The following TCERG1 variants were observed in gnomAD, a reference collection of about 807,000 sequenced individuals.
TCERG1 encodes transcription elongation regulator 1.
TCERG1 carries 37 observed loss-of-function variants against 144.7 expected under a neutral mutation model. That is an observed-to-expected ratio of 0.26 (90% CI 0.20 to 0.34). The LOEUF (loss-of-function observed/expected upper bound fraction) is 0.34. Among genes scored for constraint, TCERG1 ranks in the 10% least tolerant of loss-of-function variants. The pLI, the probability that TCERG1 is intolerant of heterozygous loss-of-function variation, is 1.00. For synonymous variants in TCERG1, 492 were observed against 458.2 expected (o/e 1.07, Z -0.94); for missense variants, 1,027 against 1,380.7 (o/e 0.74, Z 4.06).
At chr5:146,469,481 T>C in intron 6 of TCERG1, 63 bp from the exon 7 acceptor site, 1 of 1,334,652 alleles carries the variant, frequency 7.5e-7, no homozygotes, top group South Asian at 1.6e-5. Context: ...GCTCATATTT[T>C]AGAGTTTTAT....
At chr5:146,480,257 G>A (rs990087230) in intron 12 of TCERG1, 163 bp downstream of exon 12, 9 of 454,676 alleles carry the variant, frequency 2.0e-5, no homozygotes, top group African/African-American at 6.0e-5. Context: ...TGTAGAAAAT[G>A]TGTCCCTTCT....
chr5:146,480,967 C>T (rs1268037601), intron 12 of TCERG1, among the ~76,000 whole-genome samples, 183 bp from the exon 13 acceptor site: 19 of 141,442 alleles, frequency 1.3e-4, no homozygotes, highest in Admixed American at 9.8e-4. Context: ...TGATTTTGTG[C>T]TTTTTTTTTA....
At chr5:146,482,772 T>C in intron 14 of TCERG1, 45 bp downstream of exon 14, 1 of 1,537,428 alleles carries the variant, frequency 6.5e-7, no homozygotes, top group Non-Finnish European at 8.8e-7. Context: ...TTTGTATAAG[T>C]AATATAAATA....
chr5:146,456,346 T>C (rs1045134092), intron 2 of TCERG1, among the ~76,000 whole-genome samples: 1 of 152,230 alleles, frequency 6.6e-6, no homozygotes. Flanking sequence ...AAACCTACTT[T>C]GGAGTATTAT....
chr5:146,462,687 A>G (rs555085515), intron 4 of TCERG1, among the ~76,000 whole-genome samples: 2 of 152,126 alleles, frequency 1.3e-5, no homozygotes, highest in South Asian at 4.1e-4. Flanking sequence ...CCATTCATTC[A>G]TATCCAGTTA....
chr5:146,473,256 G>T (rs1326948278), intron 9 of TCERG1, among the ~76,000 whole-genome samples: 1 of 152,196 alleles, frequency 6.6e-6, no homozygotes, highest in Non-Finnish European at 1.5e-5. Context: ...ATTTCATTAA[G>T]CCAAAACCTA....
At chr5:146,484,481 G>GTT (rs775087875) in intron 15 of TCERG1, among the ~76,000 whole-genome samples, 4 of 152,146 alleles carry the variant, frequency 2.6e-5, no homozygotes, top group Non-Finnish European at 5.9e-5. Context: ...TATTTTTAAT[G>GTT]TAACAATTGA....
intron 15 of TCERG1, among the ~76,000 whole-genome samples, chr5:146,486,899 A>G (rs894880849): frequency 6.6e-6 from 1 of 152,082 alleles, no homozygotes; most frequent in Non-Finnish European, 1.5e-5. Flanking sequence ...ACATGGCGAA[A>G]CCTCATCTCT....
At position 146,491,837 on chromosome 5, in the gene TCERG1, A is replaced by G. The variant is rs1026462619; in HGVS notation, c.2164-1083A>G. ...TTTGCAACTGCTGTTTTAAGTGTCA[A>G]GTACCTGTAGACATACGTAAGGGTA... On this transcript the variant is annotated intron_variant, in intron 15 of 22. Transcript: ENST00000679501. 9.2e-5 allele frequency among the ~76,000 whole-genome samples: 14 copies of G among 152,202 alleles called. 1 individual carries two copies. Among genetic ancestry groups the G allele is most frequent in the Admixed American group, 2.6e-4 (4 of 15,272 alleles).
chr5:146,503,763 T>A (rs1767696587), intron 18 of TCERG1, 61 bp from the exon 19 acceptor site: 5 of 1,513,076 alleles, frequency 3.3e-6, no homozygotes, highest in Non-Finnish European at 4.4e-6. Flanking sequence ...AGCTAGTTAT[T>A]CTGTAAAAAC....
In TCERG1 at chr5:146,507,279, A is replaced by G. The variant is rs115552705; in HGVS notation, c.2961+72A>G. ...AGTAATTTCTTAAAGCAAAGCATTGATATGATTTTTAGTGTCATGGTCTTT... is the reference window on the plus strand; with the variant it reads ...AGTAATTTCTTAAAGCAAAGCATTGGTATGATTTTTAGTGTCATGGTCTTT... On this transcript the variant is annotated intron_variant, in intron 20 of 22. Transcript: ENST00000679501. The surrounding 1 kb of genome is among the most constrained non-coding windows in gnomAD (Gnocchi z 4.6). The G allele has an allele frequency of 3.5e-3, 4,942 of 1,406,306 alleles. 164 individuals are homozygous for G. The African/African-American group carries it at 0.064, about 18-fold the overall frequency. The allele number at this position is 1,406,306 out of a possible 1,614,324, so 87.1% of individuals were successfully genotyped here.
At chr5:146,471,674 C>CT (rs1200564990) in intron 9 of TCERG1, 98 bp downstream of exon 9, 6 of 909,370 alleles carry the variant, frequency 6.6e-6, no homozygotes, top group Admixed American at 2.4e-5. Context: ...TCTGGGCTCA[C>CT]TGCAACCTCC....
chr5:146,455,368 A>G (rs1158520124), intron 2 of TCERG1, 87 bp downstream of exon 2: 4 of 1,438,302 alleles, frequency 2.8e-6, no homozygotes, highest in African/African-American at 1.4e-5. Flanking sequence ...ACATTCTTAA[A>G]TAGTTTCAGT....
intron 19 of TCERG1, among the ~76,000 whole-genome samples, chr5:146,506,651 T>A (rs769622407): frequency 3.3e-5 from 5 of 152,216 alleles, no homozygotes; most frequent in African/African-American, 7.2e-5. Context: ...TAACTCCTCA[T>A]TCTCTCCCTT....
intron 15 of TCERG1, among the ~76,000 whole-genome samples, chr5:146,485,063 A>C (rs975952841): frequency 5.3e-5 from 8 of 152,284 alleles, no homozygotes; most frequent in Non-Finnish European, 8.8e-5. Flanking sequence ...AGCTCTTTTC[A>C]TGGTCTCTAA....
At chr5:146,492,594 G>T (rs1013484229) in intron 15 of TCERG1, among the ~76,000 whole-genome samples, 3 of 152,006 alleles carry the variant, frequency 2.0e-5, no homozygotes, top group Non-Finnish European at 4.4e-5. Flanking sequence ...TTTCTAAAAG[G>T]GATTTGGGAA....
In TCERG1 at chr5:146,480,021, CTTATAG is replaced by C. The variant is rs762609636; in HGVS notation, c.1820-3_1822del. 7.5e-5 allele frequency: 120 copies of C among 1,595,524 alleles called. No homozygotes were observed. The highest frequency in any genetic ancestry group is 9.2e-5 in the Non-Finnish European group (108 of 1,170,946). On this transcript the variant is annotated splice_acceptor_variant and splice_polypyrimidine_tract_variant and intron_variant, in intron 11 of 22. Transcript: ENST00000679501. LOFTEE classifies it high-confidence loss of function. ...CCTAAATATTTTAATTAAATTTTGT[CTTATAG>C]TTAAAGAGGAACAAGAATTAATGGA...
At chr5:146,471,638 AC>A in intron 9 of TCERG1, 62 bp downstream of exon 9, 1 of 1,459,012 alleles carries the variant, frequency 6.9e-7, no homozygotes. Context: ...TCACTCTGTC[AC>A]CAGGGCTGGA....
intron 13 of TCERG1, 35 bp from the exon 14 acceptor site, chr5:146,482,557 T>G (rs752752291): frequency 6.5e-7 from 1 of 1,546,940 alleles, no homozygotes; most frequent in Non-Finnish European, 8.8e-7. Flanking sequence ...AATTAATATT[T>G]TGTCAGTTGA....
Sources: allele counts gnomAD v4.1 joint callset (sites outside exome capture counted in the v4.1 genomes callset), GRCh38; gene constraint gnomAD v4.1.1; non-coding constraint Gnocchi (gnomAD v3.1); transcripts MANE v1.5; gene names NCBI Gene and HGNC (gene_info 2026-07-23, HGNC 2026-07-21).